The following RAB9B variants were observed in gnomAD, a reference collection of about 807,000 sequenced individuals.
RAB9B encodes ras-related protein Rab-9B.
In RAB9B, 1 loss-of-function variant was observed where a neutral mutation model predicts 8.9. The observed-to-expected ratio is 0.11, with a 90% CI of 0.04 to 0.53. The LOEUF is 0.53. Ranked by LOEUF, RAB9B falls within the 20% of genes least tolerant of loss-of-function variation. RAB9B has a pLI of 0.93. For synonymous variants in RAB9B, 63 were observed against 57.0 expected, an observed-to-expected ratio of 1.10 and a Z score of -0.47; for missense variants, 82 against 152.9, an observed-to-expected ratio of 0.54 and a Z score of 2.45.
the RAB9B span, chrX:103,779,991 G>C: frequency 2.1e-4 from 24 of 112,897 alleles, no homozygotes; most frequent in African/African-American, 7.7e-4. Flanking sequence ...AGCAGCCATG[G>C]TAGGTGAATG....
chrX:103,799,278 C>G, the RAB9B span, among the ~76,000 whole-genome samples: 1 of 111,121 alleles, frequency 9.0e-6, no homozygotes, highest in African/African-American at 3.3e-5. Flanking sequence ...TATCTGTTTT[C>G]AAATTCTCTC....
the RAB9B span, among the ~76,000 whole-genome samples, chrX:103,816,973 C>T: frequency 8.9e-6 from 1 of 112,542 alleles, no homozygotes; most frequent in Non-Finnish European, 1.9e-5. Context: ...CGCTTTTACA[C>T]TGTTGGTGGG....
chrX:103,783,391 C>T, the RAB9B span, among the ~76,000 whole-genome samples: 6 of 112,463 alleles, frequency 5.3e-5, no homozygotes, highest in Non-Finnish European at 9.4e-5. Context: ...GGCAGCAATG[C>T]TTTAGTTCTT....
chrX:103,800,989 A>G, the RAB9B span, among the ~76,000 whole-genome samples: 2 of 112,091 alleles, frequency 1.8e-5, no homozygotes, highest in Non-Finnish European at 3.8e-5. Flanking sequence ...AAAGAATGAG[A>G]TAAACTAAAA....
chrX:103,816,093 A>G, the RAB9B span, among the ~76,000 whole-genome samples: 1 of 111,849 alleles, frequency 8.9e-6, no homozygotes, highest in African/African-American at 3.2e-5. Flanking sequence ...TATACTTCAT[A>G]TGGAACCAAA....
At position 103,830,844 on chromosome X, in the gene RAB9B, C is replaced by G. The variant is rs1270749521; in HGVS notation, c.-117+1216G>C. Among the ~76,000 whole-genome samples, 3 of 111,809 alleles carry G rather than the reference C, an allele frequency of 2.7e-5. No homozygotes were observed. In the Admixed American group the frequency reaches 2.8e-4, roughly 11 times the overall value. On this transcript the variant is annotated intron_variant, in intron 1 of 2. Transcript: ENST00000243298. ...AGAAGTTGAACCTTTGAAAATAGTA[C>G]ATTTTAGTATGATGATGGAGAGAAG...
chrX:103,797,139 G>A, the RAB9B span, among the ~76,000 whole-genome samples: 3 of 99,697 alleles, frequency 3.0e-5, no homozygotes, highest in Non-Finnish European at 2.0e-5. Context: ...CCAGGCTATA[G>A]TGCAGTGGCA....
the RAB9B span, among the ~76,000 whole-genome samples, chrX:103,799,887 G>A: frequency 4.5e-5 from 5 of 111,129 alleles, no homozygotes; most frequent in South Asian, 1.6e-3. Flanking sequence ...AGATGGATGC[G>A]GGGCGGGGGA....
the RAB9B span, among the ~76,000 whole-genome samples, chrX:103,815,033 T>C: frequency 4.5e-5 from 5 of 112,188 alleles, no homozygotes; most frequent in African/African-American, 1.6e-4. Flanking sequence ...CACCATTCCT[T>C]CTGAAACTAT....
chrX:103,799,263 C>T, the RAB9B span, among the ~76,000 whole-genome samples: 26 of 110,668 alleles, frequency 2.3e-4, no homozygotes, highest in African/African-American at 8.5e-4. Flanking sequence ...GAAGGTATCT[C>T]CGCATATCTG....
Position 103,822,534 on chromosome X carries a change from T to C in RAB9B, c.*2645A>G, listed in dbSNP as rs952933138. ...CAATCCACTGAAGACATATGGAATCTGAGGCCCCTGAAAGTTAGCCAATAC... is the reference window on the plus strand; with the variant it reads ...CAATCCACTGAAGACATATGGAATCCGAGGCCCCTGAAAGTTAGCCAATAC... On this transcript the variant is annotated 3_prime_UTR_variant, in exon 3 of 3. Coordinates refer to ENST00000243298, the MANE Select transcript of RAB9B (RefSeq NM_016370.4). 8.9e-6 allele frequency: 1 copy of C among 111,755 alleles called. No individual in the cohort carries two copies. Among genetic ancestry groups the C allele is most frequent in the African/African-American group, 3.3e-5 (1 of 30,754 alleles). 9.2% of individuals were successfully genotyped at this position (111,755 alleles called of 1,213,427 possible).
chrX:103,791,555 G>A, the RAB9B span: 1 of 112,341 alleles, frequency 8.9e-6, no homozygotes, highest in South Asian at 3.7e-4. Flanking sequence ...AATTAGTTGT[G>A]TACTCTGGCC....
chrX:103,819,674 C>T (rs1321664156), downstream of RAB9B, among the ~76,000 whole-genome samples: 1 of 111,992 alleles, frequency 8.9e-6, no homozygotes, highest in East Asian at 2.8e-4. Context: ...AGTAAGAAGG[C>T]ATTTAATAAT....
chrX:103,813,061 T>C, the RAB9B span, among the ~76,000 whole-genome samples: 1 of 109,030 alleles, frequency 9.2e-6, no homozygotes, highest in Non-Finnish European at 1.9e-5. Flanking sequence ...GTAGCTGAGA[T>C]TACAGGACAT....
chrX:103,784,271 A>T, the RAB9B span, among the ~76,000 whole-genome samples: 1 of 111,641 alleles, frequency 9.0e-6, no homozygotes, highest in Non-Finnish European at 1.9e-5. Context: ...ATGTGTTCCC[A>T]GGCCCTGGTG....
At chrX:103,807,256 C>T in the RAB9B span, among the ~76,000 whole-genome samples, 1 of 111,983 alleles carries the variant, frequency 8.9e-6, no homozygotes, top group East Asian at 2.8e-4. Flanking sequence ...CCTTTTTCCT[C>T]TTATTATAAC....
chrX:103,781,363 A>G, the RAB9B span: 1 of 305,796 alleles, frequency 3.3e-6, no homozygotes. Flanking sequence ...AGCGCTGGTG[A>G]GAAGGGCTTA....
downstream of RAB9B, among the ~76,000 whole-genome samples, chrX:103,819,831 A>G (rs774348781): frequency 8.9e-6 from 1 of 112,429 alleles, no homozygotes; most frequent in African/African-American, 3.2e-5. Flanking sequence ...ACATTAGTGA[A>G]TATCCCAAAT....
the RAB9B span, among the ~76,000 whole-genome samples, chrX:103,782,000 T>A: frequency 8.9e-6 from 1 of 112,158 alleles, no homozygotes; most frequent in Non-Finnish European, 1.9e-5. Flanking sequence ...TCTTGGACTG[T>A]GAAAAATCAA....
Sources: allele counts gnomAD v4.1 joint callset (sites outside exome capture counted in the v4.1 genomes callset), GRCh38; gene constraint gnomAD v4.1.1; transcripts MANE v1.5; gene names NCBI Gene and HGNC (gene_info 2026-07-23, HGNC 2026-07-21).